The following TCEANC2 variants were observed in gnomAD, a reference collection of about 807,000 sequenced individuals.
The protein encoded by TCEANC2 is transcription elongation factor A N-terminal and central domain-containing protein 2.
In TCEANC2, 20 loss-of-function variants were observed where a neutral mutation model predicts 22.8. That is an observed-to-expected ratio of 0.88 (90% confidence interval 0.62 to 1.28). The LOEUF (loss-of-function observed/expected upper bound fraction) is 1.28, where lower values mean the gene tolerates loss of function less well. Ranked by LOEUF, TCEANC2 falls within the 50% of genes most tolerant of loss-of-function variation. The pLI, the probability that TCEANC2 is intolerant of heterozygous loss-of-function variation, is 0.00. For synonymous variants in TCEANC2, 84 were observed against 95.5 expected (o/e 0.88, Z 0.70); for missense variants, 251 against 249.7 (o/e 1.01, Z -0.03).
At chr1:54,072,610 T>A (rs1372311331) in intron 3 of TCEANC2, among the ~76,000 whole-genome samples, 1 of 152,112 alleles carries the variant, frequency 6.6e-6, no homozygotes, top group African/African-American at 2.4e-5. Flanking sequence ...TTGGTCAGGA[T>A]GGTCTCGATC....
In TCEANC2 at chr1:54,089,886, C is replaced by T. The variant is rs568094153; in HGVS notation, c.438+1096C>T. 200 of 663,108 alleles carry T rather than the reference C, an allele frequency of 3.0e-4. 1 individual carries two copies. Among genetic ancestry groups the T allele is most frequent in the African/African-American group, 2.6e-3 (146 of 55,234 alleles). The allele number at this position is 663,108 out of a possible 1,614,324, so 41.1% of individuals were successfully genotyped here. A position where few individuals can be genotyped will look rare whatever the true frequency, so the allele number is the denominator to read the frequency against. On this transcript the variant is annotated intron_variant, in intron 4 of 4. Transcript: ENST00000234827. ...CCTCTTGGTCAAAAACGCACCAAGT[C>T]GTCTCCAAGTTTGAAGCATTCAGCA...
intron 4 of TCEANC2, among the ~76,000 whole-genome samples, chr1:54,093,044 A>G (rs1421590533): frequency 6.6e-6 from 1 of 152,230 alleles, no homozygotes; most frequent in African/African-American, 2.4e-5. Context: ...AAAGATGTGT[A>G]GCATAGGAGG....
chr1:54,083,617 C>T (rs933852170), intron 3 of TCEANC2, among the ~76,000 whole-genome samples: 1 of 152,066 alleles, frequency 6.6e-6, no homozygotes, highest in Non-Finnish European at 1.5e-5. Context: ...GTCAGCAGTG[C>T]GTTTCTTGGA....
chr1:54,106,840 G>C (rs1658765255), downstream of TCEANC2, among the ~76,000 whole-genome samples: 1 of 152,048 alleles, frequency 6.6e-6, no homozygotes, highest in Non-Finnish European at 1.5e-5. Flanking sequence ...TTGGTCAGGA[G>C]GGACTCACTC....
At chr1:54,062,752 G>A (rs567057760) in intron 2 of TCEANC2, among the ~76,000 whole-genome samples, 135 of 152,320 alleles carry the variant, frequency 8.9e-4, no homozygotes, top group South Asian at 6.2e-3. Context: ...GGTAAATGAG[G>A]TAAAGAAAGA....
At chr1:54,079,980 G>A (rs1402147397) in intron 3 of TCEANC2, among the ~76,000 whole-genome samples, 4 of 152,056 alleles carry the variant, frequency 2.6e-5, no homozygotes, top group African/African-American at 2.4e-5. Context: ...AAGTGCCAGC[G>A]CATCCAGCCC....
intron 3 of TCEANC2, among the ~76,000 whole-genome samples, chr1:54,081,982 T>C (rs1412940157): frequency 6.6e-6 from 1 of 152,244 alleles, no homozygotes; most frequent in African/African-American, 2.4e-5. Context: ...TAGAGCCTTA[T>C]TGAAGACTTC....
At chr1:54,061,154 A>G (rs958379035) in intron 2 of TCEANC2, among the ~76,000 whole-genome samples, 3 of 152,192 alleles carry the variant, frequency 2.0e-5, no homozygotes, top group African/African-American at 7.2e-5. Flanking sequence ...GTGTGTTCAC[A>G]ATGGCAAATT....
intron 3 of TCEANC2, among the ~76,000 whole-genome samples, chr1:54,082,613 G>C (rs1308896546): frequency 6.6e-6 from 1 of 152,088 alleles, no homozygotes; most frequent in Admixed American, 6.6e-5. Context: ...ACAGAAGTAG[G>C]AGCAGGCCAG....
chr1:54,085,222 A>G (rs1053949199), intron 3 of TCEANC2, among the ~76,000 whole-genome samples: 1 of 152,228 alleles, frequency 6.6e-6, no homozygotes, highest in African/African-American at 2.4e-5. Flanking sequence ...GAACCTGTAA[A>G]GCAGGGACAA....
At chr1:54,079,882 C>T (rs1473785222) in intron 3 of TCEANC2, among the ~76,000 whole-genome samples, 2 of 152,164 alleles carry the variant, frequency 1.3e-5, no homozygotes, top group African/African-American at 4.8e-5. Context: ...CTCTTGTTCA[C>T]TCTACTTCTT....
At chr1:54,082,339 G>T (rs79659235) in intron 3 of TCEANC2, among the ~76,000 whole-genome samples, 5,300 of 152,252 alleles carry the variant, frequency 0.035, 117 homozygotes, top group Middle Eastern at 0.054. Context: ...TTTGTTTGCA[G>T]TTGTGTGATT....
chr1:54,058,907 G>A (rs1029815512), intron 2 of TCEANC2, among the ~76,000 whole-genome samples: 2 of 151,938 alleles, frequency 1.3e-5, no homozygotes, highest in Admixed American at 6.6e-5. Flanking sequence ...CTCCCGCCTC[G>A]GCCTCCCAAA....
chr1:54,084,749 G>A (rs1442322451), intron 3 of TCEANC2, among the ~76,000 whole-genome samples: 2 of 151,856 alleles, frequency 1.3e-5, no homozygotes, highest in African/African-American at 2.4e-5. Context: ...TCCGGCCTGG[G>A]TGACAGAGCA....
chr1:54,093,977 T>C (rs931222945), intron 4 of TCEANC2, among the ~76,000 whole-genome samples: 1 of 152,186 alleles, frequency 6.6e-6, no homozygotes, highest in Non-Finnish European at 1.5e-5. Flanking sequence ...TCCAGCTTCC[T>C]AAAGTAGTCT....
intron 3 of TCEANC2, among the ~76,000 whole-genome samples, chr1:54,081,117 A>G (rs1244866531): frequency 1.3e-5 from 2 of 152,198 alleles, no homozygotes; most frequent in South Asian, 4.1e-4. Context: ...TCAGTACCTC[A>G]GGTATCTTTA....
At position 54,103,946 on chromosome 1, in the gene TCEANC2, C is replaced by T. The variant is rs1198641187; in HGVS notation, c.*7473C>T. The T allele has an allele frequency of 6.6e-6, 1 of 152,132 alleles. No homozygotes were observed. Among genetic ancestry groups the T allele is most frequent in the Non-Finnish European group, 1.5e-5 (1 of 68,038 alleles). The allele number at this position is 152,132 out of a possible 1,614,324, so 9.4% of individuals were successfully genotyped here. A position where few individuals can be genotyped will look rare whatever the true frequency, so the allele number is the denominator to read the frequency against. ...AGTCATACAGGATCCCATATGATTC[C>T]ACAGCAAAGGAGGTGCAGCAGTGGG... is the stretch of plus-strand genomic sequence containing the variant. On this transcript the variant is annotated 3_prime_UTR_variant, in exon 5 of 5. Transcript: ENST00000234827.
At chr1:54,079,066 G>A (rs917818047) in intron 3 of TCEANC2, among the ~76,000 whole-genome samples, 1 of 152,152 alleles carries the variant, frequency 6.6e-6, no homozygotes, top group Non-Finnish European at 1.5e-5. Context: ...ATCAGGCAGT[G>A]GAGTTAGGCC....
chr1:54,104,410 A>G lies in TCEANC2; in HGVS notation c.*7937A>G, dbSNP rs1557697534. 3.2e-6 allele frequency: 1 copy of G among 312,098 alleles called. No homozygotes were observed. Among genetic ancestry groups the G allele is most frequent in the Non-Finnish European group, 6.5e-6 (1 of 153,466 alleles). The allele number at this position is 312,098 out of a possible 1,614,324, so 19.3% of individuals were successfully genotyped here. ...AGACTACTAGGCAAGAACAGTCACC[A>G]TTCTTTGAGGGATAATTAATCCTGA... is the stretch of plus-strand genomic sequence containing the variant. On this transcript the variant is annotated 3_prime_UTR_variant, in exon 5 of 5. Coordinates refer to ENST00000234827, the MANE Select transcript of TCEANC2 (RefSeq NM_153035.3).
Sources: allele counts gnomAD v4.1 joint callset (sites outside exome capture counted in the v4.1 genomes callset), GRCh38; gene constraint gnomAD v4.1.1; transcripts MANE v1.5; gene names NCBI Gene and HGNC (gene_info 2026-07-23, HGNC 2026-07-21).